Variants in IL16 observed in about 807,000 individuals in gnomAD.
The protein encoded by IL16 is interleukin 16, also known as pro-interleukin-16.
Under a neutral mutation model 110.1 loss-of-function variants are expected in IL16, and 67 were observed. That is an observed-to-expected ratio of 0.61 (90% CI 0.50 to 0.75). The LOEUF is 0.75. Ranked by LOEUF, IL16 falls within the 30% of genes least tolerant of loss-of-function variation. The pLI is 0.00. For synonymous variants in IL16, 689 were observed against 662.9 expected (o/e 1.04, Z -0.61); for missense variants, 1,545 against 1,655.0 (o/e 0.93, Z 1.15).
chr15:81,274,384 G>A (rs78710595), intron 6 of IL16, among the ~76,000 whole-genome samples: 4 of 152,234 alleles, frequency 2.6e-5, no homozygotes, highest in South Asian at 2.1e-4. Flanking sequence ...CTGGGGACTC[G>A]AGCACGCTCA....
At chr15:81,197,659 G>C (rs1283392161) in intron 1 of IL16, among the ~76,000 whole-genome samples, 1 of 152,078 alleles carries the variant, frequency 6.6e-6, no homozygotes, top group East Asian at 1.9e-4. Flanking sequence ...TTTTGATAAG[G>C]GTCCCGTGAC....
At chr15:81,292,372 C>A in intron 11 of IL16, 184 bp from the exon 12 acceptor site, 1 of 842,936 alleles carries the variant, frequency 1.2e-6, no homozygotes, top group Admixed American at 2.0e-5. Context: ...TTTCCCAACC[C>A]AAAGTCATAC....
intron 6 of IL16, among the ~76,000 whole-genome samples, chr15:81,274,573 C>T (rs1006999745): frequency 3.9e-5 from 6 of 152,322 alleles, no homozygotes; most frequent in South Asian, 2.1e-4. Context: ...TCATCAGTAA[C>T]GACCAGGTCC....
chr15:81,277,577 G>T (rs1434850585), intron 6 of IL16, among the ~76,000 whole-genome samples: 2 of 151,902 alleles, frequency 1.3e-5, no homozygotes, highest in African/African-American at 4.8e-5. Flanking sequence ...TGAAGTAGTT[G>T]GGACTACAGG....
At chr15:81,281,089 G>T (rs1899152164) in intron 8 of IL16, among the ~76,000 whole-genome samples, 1 of 152,172 alleles carries the variant, frequency 6.6e-6, no homozygotes, top group South Asian at 2.1e-4. Flanking sequence ...CAATTCTGAC[G>T]CCCATTAGAC....
chr15:81,298,353 A>G (rs1900095080), intron 13 of IL16, among the ~76,000 whole-genome samples: 1 of 152,198 alleles, frequency 6.6e-6, no homozygotes. Context: ...GCATCCCCCA[A>G]GGCACACAGG....
chr15:81,272,089 G>C (rs1209205516), intron 5 of IL16, among the ~76,000 whole-genome samples: 1 of 152,216 alleles, frequency 6.6e-6, no homozygotes, highest in Non-Finnish European at 1.5e-5. Context: ...CCTTTATCCT[G>C]TAATACGTGC....
Position 81,292,985 on chromosome 15 carries a change from A to G in IL16, c.1850A>G (p.Glu617Gly), listed in dbSNP as rs1335559930. The G allele has an allele frequency of 6.2e-7, 1 of 1,613,312 alleles. No homozygotes were observed. The highest frequency in any genetic ancestry group is 8.5e-7 in the Non-Finnish European group (1 of 1,180,012). Residue 617 changes from glutamate to glycine, a missense_variant, in exon 12 of 19, where the codon GAG becomes GGG. Physicochemically the swap from Glu to Gly is moderately conservative, Grantham distance 98 (BLOSUM62 -2). Coordinates refer to ENST00000683961, the MANE Select transcript of IL16 (RefSeq NM_172217.5). ...SDSDPQKSLEERENSSCSSGH... is the reference protein window; with the variant it reads ...SDSDPQKSLEGRENSSCSSGH... Reference sequence around the variant, plus strand: ...AGTGACCCTCAGAAGAGTCTGGAAGAGAGAGAGAACTCCTCATGCTCTTCT... The same window carrying G: ...AGTGACCCTCAGAAGAGTCTGGAAGGGAGAGAGAACTCCTCATGCTCTTCT...
At chr15:81,262,916 A>T (rs1489821945) in intron 3 of IL16, among the ~76,000 whole-genome samples, 3 of 152,226 alleles carry the variant, frequency 2.0e-5, no homozygotes, top group Admixed American at 6.5e-5. Flanking sequence ...GGGCAACAAG[A>T]GTGAAACTCC....
chr15:81,272,523 G>A (rs1292263931), intron 5 of IL16, among the ~76,000 whole-genome samples: 1 of 152,206 alleles, frequency 6.6e-6, no homozygotes, highest in Non-Finnish European at 1.5e-5. Context: ...CTAGGACAAT[G>A]GCAGATAGAG....
At chr15:81,183,596 A>G (rs957138018) in intron 1 of IL16, among the ~76,000 whole-genome samples, 3 of 152,230 alleles carry the variant, frequency 2.0e-5, no homozygotes, top group African/African-American at 7.2e-5. Flanking sequence ...GAGTAAACAC[A>G]TGGTTTTCCT....
chr15:81,269,780 G>GTGGC, intron 5 of IL16, 132 bp downstream of exon 5: 1 of 642,218 alleles, frequency 1.6e-6, no homozygotes. Context: ...AAACACAAGA[G>GTGGC]TGGCTAGTCT....
intron 1 of IL16, among the ~76,000 whole-genome samples, chr15:81,224,538 A>C (rs1327912808): frequency 1.3e-5 from 2 of 152,224 alleles, no homozygotes; most frequent in African/African-American, 4.8e-5. Context: ...CCTGGGCCTG[A>C]CTGTGACTCT....
upstream of IL16, among the ~76,000 whole-genome samples, chr15:81,193,138 GA>G (rs1895524467): frequency 6.6e-6 from 1 of 152,152 alleles, no homozygotes; most frequent in South Asian, 2.1e-4. Context: ...ATGAACCCAG[GA>G]ATTTTGGCTT....
At chr15:81,261,910 A>C (rs538235047) in intron 3 of IL16, among the ~76,000 whole-genome samples, 1 of 152,136 alleles carries the variant, frequency 6.6e-6, no homozygotes, top group East Asian at 1.9e-4. Flanking sequence ...CTCTACAAAA[A>C]ATTTTTTTAA....
chr15:81,268,146 G>T (rs1898473529), intron 4 of IL16, among the ~76,000 whole-genome samples: 1 of 152,210 alleles, frequency 6.6e-6, no homozygotes, highest in South Asian at 2.1e-4. Context: ...CCAGGGAGTG[G>T]CTTACAGGAC....
intron 2 of IL16, among the ~76,000 whole-genome samples, chr15:81,257,632 G>GCAGCCTTACTCTCTCTGCA: frequency 6.6e-6 from 1 of 152,054 alleles, no homozygotes; most frequent in South Asian, 2.1e-4. Context: ...TGGAGCTGAG[G>GCAGCCTTACTCTCTCTGCA]GTGGGTTATT....
intron 8 of IL16, among the ~76,000 whole-genome samples, chr15:81,282,149 C>T (rs1171316471): frequency 6.6e-6 from 1 of 152,218 alleles, no homozygotes; most frequent in African/African-American, 2.4e-5. Flanking sequence ...CCACACTGGC[C>T]TTTCTGGTCC....
In IL16 at chr15:81,312,341, C is replaced by A. The variant is rs779621080; in HGVS notation, c.*3543C>A. The A allele has an allele frequency of 6.6e-6, 1 of 152,262 alleles. No homozygotes were observed. Among genetic ancestry groups the A allele is most frequent in the Non-Finnish European group, 1.5e-5 (1 of 68,076 alleles). 9.4% of individuals were successfully genotyped at this position (152,262 alleles called of 1,614,324 possible). On this transcript the variant is annotated 3_prime_UTR_variant, in exon 19 of 19. Transcript: ENST00000683961. ...GGGATTTCCAGCCAGGGCTGCTAGA[C>A]GGAGGCCTACTCTTCCATCTTTCCT...
Sources: gnomAD v4.1 joint callset for allele counts (sites outside exome capture counted in the v4.1 genomes callset) on GRCh38, gnomAD v4.1.1 for gene constraint, MANE v1.5 for transcripts, NCBI Gene and HGNC (gene_info 2026-07-23, HGNC 2026-07-21) for gene names.